The following SERINC5 variants were observed in gnomAD, a reference collection of about 807,000 sequenced individuals.
SERINC5 encodes serine incorporator 5, also known as chromosome 5 open reading frame 12.
Under a neutral mutation model 63.1 loss-of-function variants are expected in SERINC5, and 41 were observed. The observed-to-expected ratio is 0.65, with a 90% CI of 0.51 to 0.84. The LOEUF (loss-of-function observed/expected upper bound fraction) is 0.84, where lower values mean the gene tolerates loss of function less well. SERINC5 is among the 40% of genes least tolerant of loss of function. The pLI is 0.00. For synonymous variants in SERINC5, 222 were observed against 215.2 expected (o/e 1.03, Z -0.28); for missense variants, 523 against 573.0 (o/e 0.91, Z 0.89).
chr5:80,158,763 G>A, intron 8 of SERINC5, 73 bp downstream of exon 8: 1 of 1,489,218 alleles, frequency 6.7e-7, no homozygotes, highest in Non-Finnish European at 9.2e-7. Flanking sequence ...CACAGCTACT[G>A]AAAGTTATTT....
intron 1 of SERINC5, among the ~76,000 whole-genome samples, chr5:80,222,561 A>AGAGTGTGT (rs1326918451): frequency 1.4e-5 from 2 of 146,216 alleles, no homozygotes; most frequent in African/African-American, 2.6e-5. Flanking sequence ...TGAGTGTGTG[A>AGAGTGTGT]GTGTGTGAGT....
At position 80,141,646 on chromosome 5, in the gene SERINC5, C is replaced by G. The variant is rs2112286867; in HGVS notation, c.*2017G>C. The G allele has an allele frequency of 1.0e-6, 1 of 985,604 alleles. No homozygotes were observed. The highest frequency in any genetic ancestry group is 1.1e-4 in the East Asian group (1 of 8,818). The allele number at this position is 985,604 out of a possible 1,614,324, so 61.1% of individuals were successfully genotyped here. ...AAGGCCCTAGGCCACTGCAACACAG[C>G]TACTGTGTGTGACACGCAGCCCCAC... On this transcript the variant is annotated 3_prime_UTR_variant, in exon 12 of 12. Coordinates refer to ENST00000507668, the MANE Select transcript of SERINC5 (RefSeq NM_001174072.3).
chr5:80,144,749 T>A (rs1263410617), intron 11 of SERINC5, among the ~76,000 whole-genome samples: 1 of 152,222 alleles, frequency 6.6e-6, no homozygotes, highest in African/African-American at 2.4e-5. Flanking sequence ...ACACACCATA[T>A]TTGACTTGCG....
rs1341207435 is a variant in SERINC5, at chr5:80,140,302, C to G, written c.*3361G>C. ...AGCGTGGCTGACAGAGTGAGCCCGT[C>G]TCCAAAAAAAAAAAAAAAAAAAAAA... is the stretch of plus-strand genomic sequence containing the variant. On this transcript the variant is annotated 3_prime_UTR_variant, in exon 12 of 12. Transcript: ENST00000507668. 79 of 791,862 alleles carry G rather than the reference C, an allele frequency of 1.0e-4. No individual in the cohort carries two copies. The highest frequency in any genetic ancestry group is 7.1e-5 in the Non-Finnish European group (50 of 699,526). The allele number at this position is 791,862 out of a possible 1,614,324, so 49.1% of individuals were successfully genotyped here. A position where few individuals can be genotyped will look rare whatever the true frequency, so the allele number is the denominator to read the frequency against.
In SERINC5 at chr5:80,142,676, G is replaced by A; in HGVS notation, c.*987C>T. ...ACACAAAACGACTTCCGCTTTTACA[G>A]TTTCAAAGGCCTCAAGGTGGAGAAA... On this transcript the variant is annotated 3_prime_UTR_variant, in exon 12 of 12. Transcript: ENST00000507668. 2.0e-6 allele frequency: 2 copies of A among 985,400 alleles called. No individual in the cohort carries two copies. The highest frequency in any genetic ancestry group is 2.4e-6 in the Non-Finnish European group (2 of 829,946). 61.0% of individuals were successfully genotyped at this position (985,400 alleles called of 1,614,324 possible).
chr5:80,208,265 T>C (rs1750264753), intron 1 of SERINC5, among the ~76,000 whole-genome samples: 1 of 151,768 alleles, frequency 6.6e-6, no homozygotes, highest in Non-Finnish European at 1.5e-5. Flanking sequence ...TGTACCAGTC[T>C]GGTGGGAGGA....
intron 1 of SERINC5, among the ~76,000 whole-genome samples, chr5:80,233,223 CG>C (rs1373351757): frequency 1.3e-5 from 2 of 152,138 alleles, no homozygotes; most frequent in African/African-American, 4.8e-5. Flanking sequence ...GTCGAGAGTT[CG>C]AGACCAGCCT....
Position 80,212,509 on chromosome 5 carries a change from A to C in SERINC5, c.28-9456T>G, listed in dbSNP as rs192782944. ...TGAGTCAACTGTGGTCTGCAGAAGAAATGAACACTTCTCTACTTTGGAGAG... is the reference window on the plus strand; with the variant it reads ...TGAGTCAACTGTGGTCTGCAGAAGACATGAACACTTCTCTACTTTGGAGAG... On this transcript the variant is annotated intron_variant, in intron 1 of 11. Transcript: ENST00000507668. Among the ~76,000 whole-genome samples, 136 of 152,282 alleles carry C rather than the reference A, an allele frequency of 8.9e-4. 1 individual carries two copies. The highest frequency in any genetic ancestry group is 1.8e-3 in the Admixed American group (27 of 15,298).
chr5:80,229,166 G>A (rs1383680053), intron 1 of SERINC5, among the ~76,000 whole-genome samples: 1 of 150,942 alleles, frequency 6.6e-6, no homozygotes. Context: ...TAGGATTACA[G>A]GCGCATGCCA....
intron 6 of SERINC5, among the ~76,000 whole-genome samples, chr5:80,168,350 C>T (rs1747438108): frequency 6.6e-6 from 1 of 152,046 alleles, no homozygotes. Context: ...GCGTGTCCCA[C>T]CATGGCTGGC....
intron 11 of SERINC5, among the ~76,000 whole-genome samples, chr5:80,125,476 A>G (rs1033488636): frequency 1.3e-5 from 2 of 152,224 alleles, no homozygotes; most frequent in African/African-American, 4.8e-5. Context: ...GCATTTCAGG[A>G]AACCAAAAGT....
At chr5:80,208,371 T>TAAAAA (rs5869025) in intron 1 of SERINC5, among the ~76,000 whole-genome samples, 1 of 138,934 alleles carries the variant, frequency 7.2e-6, no homozygotes, top group Non-Finnish European at 1.6e-5. Flanking sequence ...AAAACTGCTC[T>TAAAAA]AAAAAAAAAA....
chr5:80,204,196 C>A (rs565552244), intron 1 of SERINC5, among the ~76,000 whole-genome samples: 2 of 152,164 alleles, frequency 1.3e-5, no homozygotes, highest in Non-Finnish European at 2.9e-5. Context: ...GTGATCCATT[C>A]TAGCCCATTA....
intron 1 of SERINC5, among the ~76,000 whole-genome samples, chr5:80,216,295 C>G (rs1057055162): frequency 1.3e-5 from 2 of 152,154 alleles, no homozygotes; most frequent in Non-Finnish European, 2.9e-5. Flanking sequence ...CACAACTCCC[C>G]CTCTCCCCTG....
intron 8 of SERINC5, chr5:80,157,808 C>G (rs2112343166): frequency 1.3e-5 from 2 of 152,318 alleles, no homozygotes; most frequent in South Asian, 4.1e-4. Context: ...TCACCATCAT[C>G]TTAACACCTA....
At chr5:80,228,348 G>C (rs1257342511) in intron 1 of SERINC5, among the ~76,000 whole-genome samples, 1 of 151,730 alleles carries the variant, frequency 6.6e-6, no homozygotes, top group Non-Finnish European at 1.5e-5. Context: ...AAAATGTATA[G>C]ACACTCAGCA....
intron 10 of SERINC5, among the ~76,000 whole-genome samples, chr5:80,146,733 G>C (rs777871420): frequency 2.0e-5 from 3 of 152,152 alleles, no homozygotes; most frequent in African/African-American, 4.8e-5. Context: ...TGGGATTACA[G>C]GCATAAGCCA....
In SERINC5 at chr5:80,139,613, A is replaced by AT. The variant is rs1474854894; in HGVS notation, c.*4049_*4050insA. 85 of 985,276 alleles carry AT rather than the reference A, an allele frequency of 8.6e-5. No homozygotes were observed. The highest frequency in any genetic ancestry group is 9.5e-5 in the Non-Finnish European group (79 of 829,908). The allele number at this position is 985,276 out of a possible 1,614,324, so 61.0% of individuals were successfully genotyped here. A position where few individuals can be genotyped will look rare whatever the true frequency, so the allele number is the denominator to read the frequency against. On this transcript the variant is annotated 3_prime_UTR_variant, in exon 12 of 12. Coordinates refer to ENST00000507668, the MANE Select transcript of SERINC5 (RefSeq NM_001174072.3). ...AAGAAGAAAAGAGAGAGAGAGAGAAAGGTCTAAACATCTGTGTGAACAGCT... is the reference window on the plus strand; with the variant it reads ...AAGAAGAAAAGAGAGAGAGAGAGAAATGGTCTAAACATCTGTGTGAACAGCT...
downstream of SERINC5, among the ~76,000 whole-genome samples, chr5:80,134,487 A>T (rs1004088337): frequency 4.6e-5 from 7 of 152,142 alleles, no homozygotes; most frequent in African/African-American, 1.4e-4. Flanking sequence ...CTCTGTCTCA[A>T]AACAAAACAA....
Sources: allele counts gnomAD v4.1 joint callset (sites outside exome capture counted in the v4.1 genomes callset), GRCh38; gene constraint gnomAD v4.1.1; transcripts MANE v1.5; gene names NCBI Gene and HGNC (gene_info 2026-07-23, HGNC 2026-07-21).